The following ARPP21 variants were observed in gnomAD, a reference collection of about 807,000 sequenced individuals.
The protein encoded by ARPP21 is cAMP-regulated phosphoprotein 21.
A neutral mutation model predicts 113.2 loss-of-function variants in ARPP21; 69 were observed. The ratio of observed to expected loss-of-function variants is 0.61; its 90% CI spans 0.50 to 0.74. ARPP21 has a LOEUF of 0.74. Ranked by LOEUF, ARPP21 falls within the 30% of genes least tolerant of loss-of-function variation. The pLI is 0.00. For synonymous variants in ARPP21, 368 were observed against 375.5 expected (o/e 0.98, Z 0.23); for missense variants, 1,070 against 1,037.4 (o/e 1.03, Z -0.43).
At chr3:35,675,825 T>A (rs2077350594) in intron 1 of ARPP21, among the ~76,000 whole-genome samples, 1 of 151,508 alleles carries the variant, frequency 6.6e-6, no homozygotes. Context: ...ATGATGATGA[T>A]GATGATGATG....
intron 12 of ARPP21, chr3:35,715,689 G>T: frequency 2.7e-6 from 1 of 365,878 alleles, no homozygotes; most frequent in Non-Finnish European, 4.9e-6. Flanking sequence ...ATTCCAAACA[G>T]AATTGTAAAA....
chr3:35,760,764 G>A (rs910859013), intron 19 of ARPP21, among the ~76,000 whole-genome samples: 2 of 151,868 alleles, frequency 1.3e-5, no homozygotes, highest in African/African-American at 2.4e-5. Flanking sequence ...ATTTGCCATG[G>A]GAAAAAGTGC....
At chr3:35,731,688 A>G (rs2093985914) in intron 15 of ARPP21, among the ~76,000 whole-genome samples, 1 of 152,014 alleles carries the variant, frequency 6.6e-6, no homozygotes, top group African/African-American at 2.4e-5. Flanking sequence ...CTACCTATCA[A>G]ATTTCTTATA....
At chr3:35,764,453 T>C (rs771565513) in intron 19 of ARPP21, among the ~76,000 whole-genome samples, 8 of 152,144 alleles carry the variant, frequency 5.3e-5, no homozygotes, top group Non-Finnish European at 5.9e-5. Flanking sequence ...AAGTATTTTC[T>C]TTTCTTCTCT....
chr3:35,744,140 G>T (rs766611237), intron 19 of ARPP21, among the ~76,000 whole-genome samples, 175 bp downstream of exon 19: 1 of 152,200 alleles, frequency 6.6e-6, no homozygotes, highest in Non-Finnish European at 1.5e-5. Context: ...GGTACAAGAA[G>T]GTGAAGCATA....
chr3:35,655,341 G>A (rs1015950407), intron 1 of ARPP21, among the ~76,000 whole-genome samples: 25 of 151,828 alleles, frequency 1.6e-4, no homozygotes, highest in African/African-American at 5.8e-4. Context: ...CTCCAGGCTA[G>A]CTTATTTTCT....
chr3:35,685,191 A>G, intron 5 of ARPP21: 2 of 985,324 alleles, frequency 2.0e-6, no homozygotes, highest in Non-Finnish European at 2.4e-6. Context: ...ACCAGGAGGA[A>G]ATTTTTTAAG....
At chr3:35,770,845 AT>A (rs1343175941) in intron 19 of ARPP21, among the ~76,000 whole-genome samples, 22 of 152,212 alleles carry the variant, frequency 1.4e-4, no homozygotes, top group African/African-American at 5.1e-4. Context: ...CACTGCAGTA[AT>A]ATATCATTTT....
chr3:35,744,064 C>A (rs1395567180), intron 19 of ARPP21, 99 bp downstream of exon 19: 8 of 1,291,892 alleles, frequency 6.2e-6, no homozygotes, highest in Non-Finnish European at 7.8e-6. Flanking sequence ...CAATTTAAAC[C>A]AGCACATTTT....
In ARPP21 at chr3:35,667,948, A is replaced by G. The variant is rs2884794; in HGVS notation, c.-212-11839A>G. Among the ~76,000 whole-genome samples the G allele has an allele frequency of 3.2e-3, 185 of 58,056 alleles. 6 individuals carry two copies. The highest frequency in any genetic ancestry group is 0.011 in the African/African-American group (171 of 15,050). 38.1% of individuals were successfully genotyped at this position (58,056 alleles called of 152,430 possible). A position where few individuals can be genotyped will look rare whatever the true frequency, so the allele number is the denominator to read the frequency against. On this transcript the variant is annotated intron_variant, in intron 1 of 20. Transcript: ENST00000684406. ...GAGGAGGAGGAGAAGGAGAAGAAGA[A>G]AAGAAGAAGAAGAAGAAGAAGAAGA...
At chr3:35,708,594 C>T (rs143101376) in intron 10 of ARPP21, among the ~76,000 whole-genome samples, 1 of 152,360 alleles carries the variant, frequency 6.6e-6, no homozygotes, top group Non-Finnish European at 1.5e-5. Context: ...TTTTCACCGG[C>T]ATTCTGCCTC....
At chr3:35,698,018 T>G (rs932413030) in intron 9 of ARPP21, among the ~76,000 whole-genome samples, 2 of 151,540 alleles carry the variant, frequency 1.3e-5, no homozygotes, top group African/African-American at 4.8e-5. Flanking sequence ...CATGGTAAAT[T>G]TACTCTGCAC....
intron 1 of ARPP21, among the ~76,000 whole-genome samples, chr3:35,677,796 A>G (rs1409233174): frequency 6.6e-6 from 1 of 152,020 alleles, no homozygotes; most frequent in Non-Finnish European, 1.5e-5. Context: ...GAAACAGATC[A>G]AAATGAAATG....
At chr3:35,689,429 G>A (rs1025027983) in intron 7 of ARPP21, 44 bp downstream of exon 7, 4 of 956,420 alleles carry the variant, frequency 4.2e-6, no homozygotes, top group Non-Finnish European at 6.8e-6. Context: ...GGATCAAATA[G>A]AATATTACAA....
In ARPP21 at chr3:35,771,432, G is replaced by A. The variant is rs529675565; in HGVS notation, c.2138-20950G>A. Among the ~76,000 whole-genome samples the A allele has an allele frequency of 6.4e-3, 970 of 151,998 alleles. 9 individuals are homozygous for A. Among genetic ancestry groups the A allele is most frequent in the Admixed American group, 9.3e-3 (142 of 15,236 alleles). On this transcript the variant is annotated intron_variant, in intron 19 of 20. Transcript: ENST00000684406. The stretch of plus-strand genomic sequence containing the variant: ...CAACCTCCACCTCCTGGGTTCAAGC[G>A]ATTCTCCTGCCTCAGCCTCCTGAGT...
At chr3:35,695,041 A>C (rs1422603447) in intron 9 of ARPP21, among the ~76,000 whole-genome samples, 1 of 150,744 alleles carries the variant, frequency 6.6e-6, no homozygotes, top group Non-Finnish European at 1.5e-5. Flanking sequence ...CTTTTTTTCT[A>C]AGAATGAAAA....
rs768797040 is a variant in ARPP21, at chr3:35,793,654, C to G, written c.2287-47C>G. On this transcript the variant is annotated intron_variant, in intron 20 of 20. Coordinates refer to ENST00000684406, the MANE Select transcript of ARPP21 (RefSeq NM_001385562.1). ...GACACCATGTTGTTTATTGTACAGA[C>G]CAAAATAGTCTCTTCATACAGGGTT... 3.5e-5 allele frequency: 51 copies of G among 1,441,206 alleles called. No homozygotes were observed. In the Admixed American group the frequency reaches 8.2e-4, roughly 23 times the overall value. 89.3% of individuals were successfully genotyped at this position (1,441,206 alleles called of 1,614,324 possible). A position where few individuals can be genotyped will look rare whatever the true frequency, so the allele number is the denominator to read the frequency against.
chr3:35,717,989 G>C (rs1211190706), intron 13 of ARPP21, among the ~76,000 whole-genome samples: 1 of 152,082 alleles, frequency 6.6e-6, no homozygotes, highest in Non-Finnish European at 1.5e-5. Context: ...ATCCATTGTA[G>C]AGAAAAGTGT....
rs189010357 is a variant in ARPP21 at position 35,760,758 on chromosome 3, G to A, written c.2137+16793G>A. On this transcript the variant is annotated intron_variant, in intron 19 of 20. Coordinates refer to ENST00000684406, the MANE Select transcript of ARPP21 (RefSeq NM_001385562.1). ...AAATGTGTGAATGTGATGTAAATTTGCCATGGGAAAAAGTGCATTTTCATG... is the reference window on the plus strand; with the variant it reads ...AAATGTGTGAATGTGATGTAAATTTACCATGGGAAAAAGTGCATTTTCATG... 3.1e-3 allele frequency among the ~76,000 whole-genome samples: 477 copies of A among 152,134 alleles called. 2 individuals carry two copies. The highest frequency in any genetic ancestry group is 4.3e-3 in the Non-Finnish European group (291 of 67,962).
Sources: allele counts gnomAD v4.1 joint callset (sites outside exome capture counted in the v4.1 genomes callset), GRCh38; gene constraint gnomAD v4.1.1; transcripts MANE v1.5; gene names NCBI Gene and HGNC (gene_info 2026-07-23, HGNC 2026-07-21).